Variants in KANK1 observed in about 807,000 individuals in gnomAD.
KANK1 encodes the protein KN motif and ankyrin repeat domains 1, also known as KN motif and ankyrin repeat domain-containing protein 1.
In KANK1, 109 loss-of-function variants were observed where a neutral mutation model predicts 106.2. The ratio of observed to expected loss-of-function variants is 1.03; its 90% CI spans 0.88 to 1.20. The LOEUF (loss-of-function observed/expected upper bound fraction) is 1.20, where lower values mean the gene tolerates loss of function less well. Ranked by LOEUF, KANK1 falls within the 50% of genes most tolerant of loss-of-function variation. KANK1 has a pLI of 0.00. For missense variants in KANK1, 2,399 were observed against 1,710.7 expected (o/e 1.40, Z -7.10); for synonymous variants, 873 against 652.2 (o/e 1.34, Z -5.16).
At position 746,067 on chromosome 9, in the gene KANK1, C is replaced by G. The variant is rs547300342; in HGVS notation, c.*832C>G. On this transcript the variant is annotated 3_prime_UTR_variant, in exon 12 of 12. Transcript: ENST00000382297. ...TTAAATGTTTGAAGTGCCTTAGACT[C>G]TTGCCATATTTTCAAAATAAAATTC... The G allele has an allele frequency of 1.3e-5, 2 of 152,658 alleles. No homozygotes were observed. The highest frequency in any genetic ancestry group is 1.3e-4 in the Admixed American group (2 of 15,294). 9.5% of individuals were successfully genotyped at this position (152,658 alleles called of 1,614,324 possible). A position where few individuals can be genotyped will look rare whatever the true frequency, so the allele number is the denominator to read the frequency against.
chr9:571,046 T>A (rs1819019862), intron 1 of KANK1, among the ~76,000 whole-genome samples: 1 of 152,190 alleles, frequency 6.6e-6, no homozygotes, highest in African/African-American at 2.4e-5. Flanking sequence ...TTGATACATT[T>A]TGTCAAATTG....
chr9:507,755 A>T (rs995232321), intron 1 of KANK1, among the ~76,000 whole-genome samples: 1 of 152,030 alleles, frequency 6.6e-6, no homozygotes, highest in Non-Finnish European at 1.5e-5. Flanking sequence ...ACAGGGTTTC[A>T]CTATGTTGGC....
intron 1 of KANK1, among the ~76,000 whole-genome samples, chr9:572,816 T>A (rs17345626): frequency 0.039 from 5,875 of 152,258 alleles, 130 homozygotes; most frequent in Non-Finnish European, 0.054. Context: ...GGCATAACGG[T>A]CTTCCCACAT....
chr9:501,208 T>G (rs889656414), upstream of KANK1, among the ~76,000 whole-genome samples: 8 of 152,274 alleles, frequency 5.3e-5, no homozygotes, highest in Non-Finnish European at 1.0e-4. Flanking sequence ...CACAAAACAG[T>G]TGGTTGCAAC....
chr9:735,500 A>C (rs995887375), intron 7 of KANK1, among the ~76,000 whole-genome samples: 2 of 152,170 alleles, frequency 1.3e-5, no homozygotes, highest in African/African-American at 4.8e-5. Flanking sequence ...AGTTATGTGC[A>C]CATTCTTTCA....
At chr9:551,439 G>C (rs2061276463) in intron 1 of KANK1, among the ~76,000 whole-genome samples, 1 of 152,014 alleles carries the variant, frequency 6.6e-6, no homozygotes, top group African/African-American at 2.4e-5. Flanking sequence ...GGTTTTTCTT[G>C]ATTCTGCCTT....
chr9:648,669 C>T (rs1030279358), intron 1 of KANK1, among the ~76,000 whole-genome samples: 2 of 152,174 alleles, frequency 1.3e-5, no homozygotes, highest in African/African-American at 4.8e-5. Flanking sequence ...GTTGCAGAAT[C>T]GCAGGCCAAG....
At chr9:677,684 T>C in intron 2 of KANK1, 1 of 152,224 alleles carries the variant, frequency 6.6e-6, no homozygotes, top group Non-Finnish European at 1.5e-5. Flanking sequence ...CATTTCTTTT[T>C]TGAGTTATGT....
chr9:716,786 G>A (rs571097050), intron 3 of KANK1, among the ~76,000 whole-genome samples: 1 of 152,190 alleles, frequency 6.6e-6, no homozygotes, highest in Admixed American at 6.5e-5. Context: ...TCAAGCATAG[G>A]CAACGTAGTG....
At chr9:704,187 G>A (rs1476993256) in intron 2 of KANK1, among the ~76,000 whole-genome samples, 1 of 152,184 alleles carries the variant, frequency 6.6e-6, no homozygotes, top group African/African-American at 2.4e-5. Flanking sequence ...GTAACTCCAA[G>A]TAAACAAGAC....
chr9:529,255 A>G (rs1292179318), intron 1 of KANK1, among the ~76,000 whole-genome samples: 1 of 148,486 alleles, frequency 6.7e-6, no homozygotes, highest in African/African-American at 2.6e-5. Flanking sequence ...ACACACACAC[A>G]TATACACACA....
chr9:520,939 T>G (rs893931945), intron 1 of KANK1, among the ~76,000 whole-genome samples: 6 of 151,778 alleles, frequency 4.0e-5, no homozygotes, highest in African/African-American at 9.7e-5. Context: ...ATTGCCTGAT[T>G]TAATATGGTT....
At chr9:736,416 G>C (rs1833820183) in intron 7 of KANK1, among the ~76,000 whole-genome samples, 1 of 152,082 alleles carries the variant, frequency 6.6e-6, no homozygotes. Flanking sequence ...TAAAATTGCT[G>C]GTCAAGTCCA....
chr9:529,294 CT>C (rs774768030), intron 1 of KANK1, among the ~76,000 whole-genome samples: 17,311 of 144,722 alleles, frequency 0.12, 1,381 homozygotes, highest in African/African-American at 0.24. Context: ...CATATATACA[CT>C]TTTTTTTTTT....
chr9:715,833 G>C (rs942089051), intron 3 of KANK1, among the ~76,000 whole-genome samples: 1 of 152,214 alleles, frequency 6.6e-6, no homozygotes, highest in Admixed American at 6.5e-5. Flanking sequence ...AATGAACGCA[G>C]AGTATTCCAT....
chr9:595,628 C>A lies in KANK1; in HGVS notation c.-83-81262C>A, dbSNP rs148158192. Among the ~76,000 whole-genome samples, 290 of 152,012 alleles carry A rather than the reference C, an allele frequency of 1.9e-3. 12 individuals are homozygous for A. Among genetic ancestry groups the A allele is most frequent in the African/African-American group, 6.8e-3 (281 of 41,276 alleles). The stretch of plus-strand genomic sequence containing the variant: ...GAAGCCTCAAATTCCTGGGCTCAAG[C>A]AGTCCTCCCACCTCAGTCTCCTGAG... On this transcript the variant is annotated intron_variant, in intron 1 of 11. Transcript: ENST00000382297.
intron 3 of KANK1, among the ~76,000 whole-genome samples, chr9:716,013 T>G (rs767779054): frequency 6.6e-6 from 1 of 152,242 alleles, no homozygotes; most frequent in Admixed American, 6.5e-5. Flanking sequence ...GTCTAGAATG[T>G]ATTTCTGAAC....
At chr9:635,323 C>G (rs1836827809) in intron 1 of KANK1, among the ~76,000 whole-genome samples, 1 of 152,182 alleles carries the variant, frequency 6.6e-6, no homozygotes, top group Non-Finnish European at 1.5e-5. Flanking sequence ...CTTGCGCACT[C>G]CCTGTTCTAC....
At chr9:686,003 A>G (rs546452420) in intron 2 of KANK1, among the ~76,000 whole-genome samples, 8 of 150,352 alleles carry the variant, frequency 5.3e-5, no homozygotes, top group Non-Finnish European at 1.2e-4. Context: ...AGGTACATTT[A>G]AGACTCTCCA....
Sources: allele counts gnomAD v4.1 joint callset (sites outside exome capture counted in the v4.1 genomes callset), GRCh38; gene constraint gnomAD v4.1.1; transcripts MANE v1.5; gene names NCBI Gene and HGNC (gene_info 2026-07-23, HGNC 2026-07-21).